Variants in DAB1 observed in about 807,000 individuals in gnomAD.
DAB1 encodes DAB adaptor protein 1, also known as disabled homolog 1.
DAB1 carries 15 observed loss-of-function variants against 64.6 expected under a neutral mutation model. That is an observed-to-expected ratio of 0.23 (90% CI 0.16 to 0.36). The LOEUF is 0.36. Among genes scored for constraint, DAB1 ranks in the 10% least tolerant of loss-of-function variants. The pLI, the probability that DAB1 is intolerant of heterozygous loss-of-function variation, is 1.00. For synonymous variants in DAB1, 235 were observed against 251.9 expected (o/e 0.93, Z 0.64); for missense variants, 596 against 706.7 (o/e 0.84, Z 1.78).
At chr1:57,343,679 T>G (rs552831257) in intron 1 of DAB1, among the ~76,000 whole-genome samples, 2 of 150,750 alleles carry the variant, frequency 1.3e-5, no homozygotes, top group African/African-American at 4.9e-5. Context: ...CTGGGGCCGG[T>G]GGGGCCGGCC....
At chr1:57,503,162 T>C (rs1304737895) in intron 7 of DAB1, among the ~76,000 whole-genome samples, 10 of 152,234 alleles carry the variant, frequency 6.6e-5, no homozygotes, top group Non-Finnish European at 1.5e-4. Context: ...CTTCTATCTT[T>C]CCTGCTTTAT....
chr1:57,256,372 A>G (rs1323230338), intron 2 of DAB1, among the ~76,000 whole-genome samples: 1 of 152,174 alleles, frequency 6.6e-6, no homozygotes, highest in Non-Finnish European at 1.5e-5. Context: ...TAAAAAGGTC[A>G]TATTTGATCA....
At chr1:58,056,311 C>G (rs766959228) in intron 5 of DAB1, 30 of 1,536,450 alleles carry the variant, frequency 2.0e-5, no homozygotes, top group Non-Finnish European at 2.2e-5. Context: ...ATCGAAGACG[C>G]TCGCTTCAGA....
At chr1:57,205,037 A>G (rs1293034120) in intron 2 of DAB1, among the ~76,000 whole-genome samples, 3 of 152,172 alleles carry the variant, frequency 2.0e-5, no homozygotes, top group African/African-American at 7.2e-5. Context: ...AAGCTCACCC[A>G]TTTGAGAGTG....
chr1:57,042,582 C>T (rs1647927615), intron 9 of DAB1, among the ~76,000 whole-genome samples: 1 of 152,120 alleles, frequency 6.6e-6, no homozygotes, highest in South Asian at 2.1e-4. Context: ...TCTAGTTCCT[C>T]ATATGGGAAA....
At chr1:57,299,843 C>A (rs116209280) in intron 1 of DAB1, among the ~76,000 whole-genome samples, 1 of 152,174 alleles carries the variant, frequency 6.6e-6, no homozygotes, top group African/African-American at 2.4e-5. Context: ...TCAGCCTTGG[C>A]CTCAATTTCT....
At chr1:58,131,430 G>A (rs1216632404) in intron 5 of DAB1, among the ~76,000 whole-genome samples, 1 of 145,560 alleles carries the variant, frequency 6.9e-6, no homozygotes, top group African/African-American at 2.5e-5. Context: ...AGAGTAATTT[G>A]ATCGTCTGAA....
chr1:57,420,386 C>A (rs536440), intron 1 of DAB1, among the ~76,000 whole-genome samples: 3,264 of 152,216 alleles, frequency 0.021, 116 homozygotes, highest in African/African-American at 0.071. Flanking sequence ...TTCCTGTGCC[C>A]CAGTTTCCTT....
At chr1:57,568,518 A>G (rs1412674152) in intron 7 of DAB1, among the ~76,000 whole-genome samples, 5 of 152,230 alleles carry the variant, frequency 3.3e-5, no homozygotes, top group Non-Finnish European at 7.3e-5. Context: ...AATTTTTGCA[A>G]TCTACTCATC....
intron 7 of DAB1, among the ~76,000 whole-genome samples, chr1:57,473,811 A>T (rs553903517): frequency 2.0e-5 from 3 of 152,264 alleles, no homozygotes; most frequent in African/African-American, 7.2e-5. Flanking sequence ...TGTTATCTTC[A>T]TTCTGTAACA....
rs1658120932 is a variant in DAB1 at position 57,136,524 on chromosome 1, A to G, written c.306+19T>C. On this transcript the variant is annotated intron_variant, in intron 4 of 14. Coordinates refer to ENST00000371236, the MANE Select transcript of DAB1 (RefSeq NM_001365792.1). ...TCAATGGATAAAATTTCACAATGCC[A>G]TGTGATTGCTTTACTTACCCCTGTC... 1.4e-6 allele frequency: 2 copies of G among 1,392,020 alleles called. No homozygotes were observed. Among genetic ancestry groups the G allele is most frequent in the Non-Finnish European group, 2.0e-6 (2 of 1,022,356 alleles). 86.2% of individuals were successfully genotyped at this position (1,392,020 alleles called of 1,614,324 possible).
intron 2 of DAB1, among the ~76,000 whole-genome samples, chr1:57,239,981 C>T (rs1189747936): frequency 1.3e-5 from 2 of 152,170 alleles, no homozygotes; most frequent in Non-Finnish European, 2.9e-5. Flanking sequence ...TGTCTTTTGA[C>T]TCTGATTATT....
chr1:58,048,875 T>C (rs772357623), intron 5 of DAB1: 4 of 933,854 alleles, frequency 4.3e-6, no homozygotes, highest in Non-Finnish European at 7.0e-6. Context: ...TGCCACTGCC[T>C]CAGTCAGTCA....
intron 1 of DAB1, among the ~76,000 whole-genome samples, chr1:57,306,193 T>C (rs528862825): frequency 6.6e-5 from 10 of 152,270 alleles, no homozygotes; most frequent in Admixed American, 5.2e-4. Flanking sequence ...AATCCAGATC[T>C]AGAACCCAAG....
intron 5 of DAB1, among the ~76,000 whole-genome samples, chr1:57,945,636 A>G (rs1355822965): frequency 1.3e-5 from 2 of 152,136 alleles, no homozygotes; most frequent in Non-Finnish European, 2.9e-5. Context: ...TTTCACTCTC[A>G]GGAATTCTCC....
In DAB1 at chr1:57,179,306, G is replaced by A. The variant is rs115748277; in HGVS notation, c.68-33877C>T. On this transcript the variant is annotated intron_variant, in intron 2 of 14. Transcript: ENST00000371236. ...GCAGCGAGGTGAATGGTGGATCAACGCCTAAAGCAGCAATCTACTAAACAT... is the reference window on the plus strand; with the variant it reads ...GCAGCGAGGTGAATGGTGGATCAACACCTAAAGCAGCAATCTACTAAACAT... Among the ~76,000 whole-genome samples the A allele has an allele frequency of 2.3e-3, 346 of 152,230 alleles. 1 individual carries two copies. Among genetic ancestry groups the A allele is most frequent in the African/African-American group, 7.9e-3 (327 of 41,538 alleles).
chr1:57,413,872 G>C (rs1684304356), intron 1 of DAB1, among the ~76,000 whole-genome samples: 1 of 152,074 alleles, frequency 6.6e-6, no homozygotes, highest in Non-Finnish European at 1.5e-5. Context: ...GGCTGACTTG[G>C]AGGGATTCAA....
intron 5 of DAB1, among the ~76,000 whole-genome samples, chr1:57,994,570 G>A (rs1646396959): frequency 6.6e-6 from 1 of 152,240 alleles, no homozygotes. Context: ...GCATGCTCCA[G>A]TATCCTAGGA....
At chr1:57,145,193 T>C (rs1438200100) in intron 3 of DAB1, 97 bp downstream of exon 3, 2 of 1,247,360 alleles carry the variant, frequency 1.6e-6, no homozygotes, top group Non-Finnish European at 1.1e-6. Context: ...AATTTACCAA[T>C]AAATGAATAA....
Sources: allele counts gnomAD v4.1 joint callset (sites outside exome capture counted in the v4.1 genomes callset), GRCh38; gene constraint gnomAD v4.1.1; transcripts MANE v1.5; gene names NCBI Gene and HGNC (gene_info 2026-07-23, HGNC 2026-07-21).